The following PRLR variants were observed in gnomAD, a reference collection of about 807,000 sequenced individuals.
PRLR encodes prolactin receptor.
A neutral mutation model predicts 40.2 loss-of-function variants in PRLR; 13 were observed. The ratio of observed to expected loss-of-function variants is 0.32; its 90% CI spans 0.21 to 0.51. PRLR has a LOEUF of 0.51. Ranked by LOEUF, PRLR falls within the 20% of genes least tolerant of loss-of-function variation. The probability of loss-of-function intolerance (pLI) is 0.97; values close to 1 mark genes in which losing one functional copy is unlikely to be tolerated. For missense variants in PRLR, 656 were observed against 747.3 expected (o/e 0.88, Z 1.42); for synonymous variants, 269 against 278.7 (o/e 0.97, Z 0.35).
chr5:35,152,147 A>G (rs1461348207), intron 1 of PRLR, among the ~76,000 whole-genome samples: 1 of 152,214 alleles, frequency 6.6e-6, no homozygotes, highest in East Asian at 1.9e-4. Flanking sequence ...CGCGTGATCC[A>G]TTCTCCTTAA....
At chr5:35,101,061 G>A (rs1254032757) in intron 2 of PRLR, among the ~76,000 whole-genome samples, 1 of 152,196 alleles carries the variant, frequency 6.6e-6, no homozygotes, top group Non-Finnish European at 1.5e-5. Context: ...CCAAGTAGAA[G>A]AGCAGTGATT....
chr5:35,145,368 C>A (rs1034164219), intron 1 of PRLR, among the ~76,000 whole-genome samples: 3 of 152,128 alleles, frequency 2.0e-5, no homozygotes, highest in African/African-American at 7.2e-5. Context: ...GTGGACGGCC[C>A]CTAATTTATG....
chr5:35,162,757 T>A (rs980166277), intron 1 of PRLR, among the ~76,000 whole-genome samples: 2 of 152,206 alleles, frequency 1.3e-5, no homozygotes, highest in Non-Finnish European at 2.9e-5. Context: ...ATCCAAGGTC[T>A]ACCTCTCCAC....
intron 1 of PRLR, among the ~76,000 whole-genome samples, chr5:35,219,349 G>T (rs1457186206): frequency 6.6e-6 from 1 of 152,162 alleles, no homozygotes; most frequent in Non-Finnish European, 1.5e-5. Context: ...TTGGGCATAT[G>T]ACTTAACCTC....
At chr5:35,101,737 C>CAT (rs1288963320) in intron 2 of PRLR, among the ~76,000 whole-genome samples, 2 of 147,922 alleles carry the variant, frequency 1.4e-5, no homozygotes, top group East Asian at 2.0e-4. Context: ...ATATATAAAA[C>CAT]ATATATATAA....
chr5:35,096,871 C>T (rs1771564077), intron 2 of PRLR, among the ~76,000 whole-genome samples: 1 of 152,172 alleles, frequency 6.6e-6, no homozygotes, highest in South Asian at 2.1e-4. Context: ...CTGCCCACCT[C>T]AACCTCCCAA....
At chr5:35,217,615 T>A (rs959952255) in intron 1 of PRLR, among the ~76,000 whole-genome samples, 2 of 152,176 alleles carry the variant, frequency 1.3e-5, no homozygotes, top group Non-Finnish European at 2.9e-5. Context: ...TATTAATATA[T>A]ATGGTATATT....
intron 1 of PRLR, among the ~76,000 whole-genome samples, chr5:35,158,495 T>A (rs148470035): frequency 9.9e-5 from 15 of 150,822 alleles, no homozygotes; most frequent in African/African-American, 3.7e-4. Context: ...TTGAGTTTTA[T>A]GTCTGTCCCA....
At chr5:35,095,885 A>G (rs1424199645) in intron 2 of PRLR, among the ~76,000 whole-genome samples, 1 of 152,208 alleles carries the variant, frequency 6.6e-6, no homozygotes, top group East Asian at 1.9e-4. Flanking sequence ...GAAGTAGTTT[A>G]GAGGCTGCTG....
intron 1 of PRLR, among the ~76,000 whole-genome samples, chr5:35,149,695 A>G (rs1774285780): frequency 2.0e-5 from 3 of 152,178 alleles, no homozygotes; most frequent in South Asian, 2.1e-4. Flanking sequence ...AATAAATGCC[A>G]TTGTATTTCC....
At chr5:35,187,227 C>T (rs987555372) in intron 1 of PRLR, among the ~76,000 whole-genome samples, 21 of 152,046 alleles carry the variant, frequency 1.4e-4, no homozygotes, top group South Asian at 4.2e-4. Flanking sequence ...ATGGTGAAAC[C>T]CCATCTTTAC....
chr5:35,125,012 A>G (rs988704304), intron 1 of PRLR, among the ~76,000 whole-genome samples: 5 of 152,234 alleles, frequency 3.3e-5, no homozygotes, highest in Non-Finnish European at 7.3e-5. Context: ...AGTACTGGTT[A>G]TTAGCAGATC....
chr5:35,150,257 C>A (rs1308370095), intron 1 of PRLR, among the ~76,000 whole-genome samples: 1 of 152,182 alleles, frequency 6.6e-6, no homozygotes, highest in Non-Finnish European at 1.5e-5. Context: ...TTCTTTCTTA[C>A]CACAGAGTGA....
At chr5:35,129,214 A>G (rs999724910) in intron 1 of PRLR, among the ~76,000 whole-genome samples, 1 of 152,216 alleles carries the variant, frequency 6.6e-6, no homozygotes, top group African/African-American at 2.4e-5. Context: ...CAGGATGCCA[A>G]TTGAGAGAAC....
chr5:35,156,725 T>G (rs1459689936), intron 1 of PRLR, among the ~76,000 whole-genome samples: 1 of 152,186 alleles, frequency 6.6e-6, no homozygotes, highest in Non-Finnish European at 1.5e-5. Context: ...AAAGTTATCA[T>G]GTCTGCAAGT....
chr5:35,218,829 G>A (rs555107610), intron 1 of PRLR, among the ~76,000 whole-genome samples: 9 of 151,918 alleles, frequency 5.9e-5, no homozygotes, highest in South Asian at 2.1e-4. Context: ...TCAGATGGCC[G>A]TGGGGAGCAA....
intron 5 of PRLR, among the ~76,000 whole-genome samples, chr5:35,079,082 C>A (rs1006283922): frequency 1.2e-4 from 18 of 152,152 alleles, no homozygotes; most frequent in African/African-American, 3.9e-4. Flanking sequence ...CTATTTATGA[C>A]AAACCCACAG....
intron 2 of PRLR, among the ~76,000 whole-genome samples, chr5:35,102,607 A>T (rs13173198): frequency 0.058 from 8,421 of 145,642 alleles, 564 homozygotes; most frequent in East Asian, 0.18. Flanking sequence ...CAGTGGCCCA[A>T]TCTTGGCTCA....
At chr5:35,163,639 A>T (rs567178523) in intron 1 of PRLR, among the ~76,000 whole-genome samples, 1 of 152,338 alleles carries the variant, frequency 6.6e-6, no homozygotes. Context: ...CTACAGGGAG[A>T]TGTATTTGAC....
Sources: allele counts gnomAD v4.1 joint callset (sites outside exome capture counted in the v4.1 genomes callset), GRCh38; gene constraint gnomAD v4.1.1; transcripts MANE v1.5; gene names NCBI Gene and HGNC (gene_info 2026-07-23, HGNC 2026-07-21).